Variants in FHIT observed in about 807,000 individuals in gnomAD.
The protein encoded by FHIT is bis(5'-adenosyl)-triphosphatase.
FHIT carries 19 observed loss-of-function variants against 17.9 expected under a neutral mutation model. The observed-to-expected ratio is 1.06, with a 90% CI of 0.74 to 1.56. FHIT has a LOEUF of 1.56. FHIT is among the 40% of genes most tolerant of loss of function. The pLI, the probability that FHIT is intolerant of heterozygous loss-of-function variation, is 0.00. For synonymous variants in FHIT, 81 were observed against 69.7 expected, an observed-to-expected ratio of 1.16 and a Z score of -0.81; for missense variants, 248 against 189.2, an observed-to-expected ratio of 1.31 and a Z score of -1.82.
intron 5 of FHIT, among the ~76,000 whole-genome samples, chr3:60,246,369 G>A (rs181676806): frequency 6.6e-6 from 1 of 152,006 alleles, no homozygotes. Flanking sequence ...AGAGAAAAGG[G>A]GAAGGAAGGG....
chr3:60,395,269 G>A (rs1701390171), intron 5 of FHIT, among the ~76,000 whole-genome samples: 1 of 152,094 alleles, frequency 6.6e-6, no homozygotes, highest in Non-Finnish European at 1.5e-5. Context: ...ACCACTGCCT[G>A]GACACTTTCT....
At chr3:60,542,413 C>A (rs2036214176) in intron 4 of FHIT, among the ~76,000 whole-genome samples, 2 of 152,184 alleles carry the variant, frequency 1.3e-5, no homozygotes, top group Admixed American at 6.5e-5. Context: ...AGCAGCAATA[C>A]ATTAGGATTT....
intron 4 of FHIT, among the ~76,000 whole-genome samples, chr3:60,606,983 G>T (rs1287062741): frequency 1.3e-5 from 2 of 152,024 alleles, no homozygotes; most frequent in Non-Finnish European, 2.9e-5. Flanking sequence ...CCATTAATGG[G>T]AATATTACTA....
At chr3:60,046,877 A>G (rs776988721) in intron 5 of FHIT, among the ~76,000 whole-genome samples, 13 of 152,222 alleles carry the variant, frequency 8.5e-5, no homozygotes, top group Non-Finnish European at 1.6e-4. Context: ...CATAGTAAAC[A>G]GCTTTCTCTG....
intron 5 of FHIT, among the ~76,000 whole-genome samples, chr3:60,016,671 G>A (rs1700357414): frequency 6.6e-6 from 1 of 152,198 alleles, no homozygotes; most frequent in African/African-American, 2.4e-5. Context: ...AAAGCTGTGG[G>A]AGCACAGGGG....
At chr3:59,846,055 T>C (rs940583788) in intron 8 of FHIT, among the ~76,000 whole-genome samples, 1 of 152,076 alleles carries the variant, frequency 6.6e-6, no homozygotes, top group African/African-American at 2.4e-5. Flanking sequence ...CCTCTGTCTA[T>C]TGACTAGGCT....
chr3:59,774,754 A>T (rs1177529377), intron 8 of FHIT, among the ~76,000 whole-genome samples: 1 of 152,188 alleles, frequency 6.6e-6, no homozygotes, highest in African/African-American at 2.4e-5. Flanking sequence ...AACAGCCCAC[A>T]CGTGAGATTC....
At chr3:60,531,464 G>C (rs2611406) in intron 5 of FHIT, among the ~76,000 whole-genome samples, 2 of 151,852 alleles carry the variant, frequency 1.3e-5, no homozygotes, top group African/African-American at 2.4e-5. Flanking sequence ...ATTTTTAGTA[G>C]AGACGGGGTT....
At chr3:60,596,176 T>C (rs1553666406) in intron 4 of FHIT, 1 of 307,956 alleles carries the variant, frequency 3.2e-6, no homozygotes. Flanking sequence ...CCAAAAAAGT[T>C]CTTGGAATAA....
intron 4 of FHIT, among the ~76,000 whole-genome samples, chr3:60,608,329 C>G (rs782639842): frequency 1.3e-5 from 2 of 152,146 alleles, no homozygotes; most frequent in African/African-American, 2.4e-5. Context: ...CATTCTCTAG[C>G]TGTTTCCTCA....
intron 7 of FHIT, among the ~76,000 whole-genome samples, chr3:59,972,469 A>G (rs1200614556): frequency 4.6e-5 from 7 of 152,050 alleles, no homozygotes; most frequent in Admixed American, 4.6e-4. Context: ...CAGTAGCTCT[A>G]TGGGTCAGGG....
At chr3:61,074,919 A>G (rs1233210484) in intron 2 of FHIT, among the ~76,000 whole-genome samples, 4 of 152,182 alleles carry the variant, frequency 2.6e-5, no homozygotes, top group Non-Finnish European at 5.9e-5. Context: ...CTTTGTGAAA[A>G]GCATCAAGTT....
chr3:60,573,828 G>A (rs1435581648), intron 4 of FHIT, among the ~76,000 whole-genome samples: 3 of 149,808 alleles, frequency 2.0e-5, no homozygotes, highest in Non-Finnish European at 4.4e-5. Context: ...TTTATTTTTC[G>A]AGATGGAGTC....
chr3:60,013,422 C>T (rs17061780), intron 6 of FHIT, among the ~76,000 whole-genome samples: 4,219 of 152,296 alleles, frequency 0.028, 173 homozygotes, highest in African/African-American at 0.096. Flanking sequence ...CAATTCCCTA[C>T]TGATGACTCA....
Position 61,123,501 on chromosome 3 carries a change from A to T in FHIT, c.-164+77116T>A, listed in dbSNP as rs188939885. ...TGTATCCCAGAGCTTAAAGTATAATAAAAAAAAAGGAGAAGAACAAAAAAA... is the reference window on the plus strand; with the variant it reads ...TGTATCCCAGAGCTTAAAGTATAATTAAAAAAAAGGAGAAGAACAAAAAAA... On this transcript the variant is annotated intron_variant, in intron 2 of 9. Transcript: ENST00000492590. Among the ~76,000 whole-genome samples the T allele has an allele frequency of 9.3e-3, 945 of 101,640 alleles. 10 individuals are homozygous for T. Among genetic ancestry groups the T allele is most frequent in the African/African-American group, 0.036 (895 of 25,180 alleles). The allele number at this position is 101,640 out of a possible 152,430, so 66.7% of individuals were successfully genotyped here.
At chr3:59,952,581 C>T (rs537284615) in intron 7 of FHIT, among the ~76,000 whole-genome samples, 44 of 152,296 alleles carry the variant, frequency 2.9e-4, no homozygotes, top group Admixed American at 5.9e-4. Flanking sequence ...TCCTGCTCAA[C>T]ATCTAGAGGT....
chr3:60,051,149 G>A lies in FHIT; in HGVS notation c.104-36997C>T, dbSNP rs190478291. On this transcript the variant is annotated intron_variant, in intron 5 of 9. Transcript: ENST00000492590. ...GGTACCTAATGGGGCCTTTGAGGTA[G>A]GGGAAGGTTGGGCCTCTCAGCAGGA... Among the ~76,000 whole-genome samples the A allele has an allele frequency of 4.5e-3, 692 of 152,214 alleles. 2 individuals carry two copies. Among genetic ancestry groups the A allele is most frequent in the Non-Finnish European group, 8.2e-3 (556 of 68,004 alleles).
At chr3:61,246,647 A>G (rs2040493021) in intron 1 of FHIT, among the ~76,000 whole-genome samples, 1 of 151,946 alleles carries the variant, frequency 6.6e-6, no homozygotes, top group Non-Finnish European at 1.5e-5. Context: ...TTGAACAATG[A>G]GAACGCATGG....
chr3:60,572,011 A>G (rs2037400933), intron 4 of FHIT, among the ~76,000 whole-genome samples: 1 of 152,086 alleles, frequency 6.6e-6, no homozygotes, highest in South Asian at 2.1e-4. Context: ...GTGTTTCCCA[A>G]GGTTTTCTTT....
Sources: allele counts gnomAD v4.1 joint callset (sites outside exome capture counted in the v4.1 genomes callset), GRCh38; gene constraint gnomAD v4.1.1; transcripts MANE v1.5; gene names NCBI Gene and HGNC (gene_info 2026-07-23, HGNC 2026-07-21).